Variants in HIVEP3 observed in about 807,000 individuals in gnomAD.
HIVEP3 encodes the protein HIVEP zinc finger 3, also known as transcription factor HIVEP3.
Under a neutral mutation model 152.8 loss-of-function variants are expected in HIVEP3, and 49 were observed. The observed-to-expected ratio is 0.32, with a 90% confidence interval of 0.26 to 0.41. The LOEUF is 0.41. Ranked by LOEUF, HIVEP3 falls within the 10% of genes least tolerant of loss-of-function variation. The pLI is 1.00. For missense variants in HIVEP3, 2,790 were observed against 3,103.3 expected, an observed-to-expected ratio of 0.90 and a Z score of 2.40; for synonymous variants, 1,269 against 1,289.0, an observed-to-expected ratio of 0.98 and a Z score of 0.33.
upstream of HIVEP3, among the ~76,000 whole-genome samples, chr1:41,921,711 CAT>C (rs10556751): frequency 0.5 from 76,505 of 151,682 alleles, 19,507 homozygotes; most frequent in East Asian, 0.71. Flanking sequence ...GGAGGAGAAT[CAT>C]AGGCAGCAGT....
intron 1 of HIVEP3, among the ~76,000 whole-genome samples, chr1:41,718,837 A>G (rs1003351005): frequency 2.6e-4 from 39 of 152,144 alleles, no homozygotes; most frequent in Non-Finnish European, 7.3e-5. Flanking sequence ...AATTATAGCC[A>G]TAAGACCTTG....
chr1:41,584,723 C>G lies in HIVEP3; in HGVS notation c.75G>C (p.Glu25Asp), dbSNP rs1644478611. Residue 25 changes from glutamate (E) to aspartate (D), a missense_variant, in exon 4 of 9, where the codon GAG (glutamate) becomes GAC (aspartate). Coordinates refer to ENST00000372583, the MANE Select transcript of HIVEP3 (RefSeq NM_024503.5). The surrounding 1 kb of genome is among the most constrained non-coding windows in gnomAD (Gnocchi z 5.2). ...GSPRKRLTKG[E>D]AIQTSVSSSV... is the part of the protein sequence containing the mutation. ...TGGAAGAAACACTGGTCTGAATGGC[C>G]TCTCCTTTGGTCAGCCGCTTCCGGG... is the stretch of plus-strand genomic sequence containing the variant. The G allele has an allele frequency of 6.5e-7, 1 of 1,539,772 alleles. No individual in the cohort carries two copies. Among genetic ancestry groups the G allele is most frequent in the East Asian group, 2.3e-5 (1 of 44,328 alleles).
intron 1 of HIVEP3, among the ~76,000 whole-genome samples, chr1:41,779,899 G>A (rs920317995): frequency 9.9e-5 from 15 of 152,196 alleles, no homozygotes; most frequent in Non-Finnish European, 2.1e-4. Flanking sequence ...ATGCCGATGT[G>A]CACCCCAGCT....
At chr1:41,789,839 C>T (rs552546802) in intron 1 of HIVEP3, among the ~76,000 whole-genome samples, 12 of 152,160 alleles carry the variant, frequency 7.9e-5, no homozygotes, top group Non-Finnish European at 1.5e-4. Context: ...GCCCTGTCCT[C>T]CCTGTCCTGT....
intron 5 of HIVEP3, among the ~76,000 whole-genome samples, chr1:41,548,905 G>A (rs1297225189): frequency 6.6e-6 from 1 of 151,784 alleles, no homozygotes; most frequent in Non-Finnish European, 1.5e-5. Context: ...AAGTTCTAGG[G>A]TACATGTACA....
intron 3 of HIVEP3, among the ~76,000 whole-genome samples, chr1:41,626,546 G>A (rs903270440): frequency 6.6e-6 from 1 of 152,180 alleles, no homozygotes; most frequent in African/African-American, 2.4e-5. Context: ...CCCCCCATCT[G>A]TACTCCCTGG....
intron 2 of HIVEP3, among the ~76,000 whole-genome samples, chr1:41,648,525 A>T (rs1645496608): frequency 6.6e-6 from 1 of 152,224 alleles, no homozygotes; most frequent in African/African-American, 2.4e-5. Context: ...GAGATGATCA[A>T]TAGCAAATGC....
chr1:42,019,941 C>A (rs1042665029), intron 1 of HIVEP3, among the ~76,000 whole-genome samples: 40 of 152,042 alleles, frequency 2.6e-4, no homozygotes, highest in African/African-American at 9.7e-4. Flanking sequence ...AAATCCTTTT[C>A]TACATCTATG....
intron 1 of HIVEP3, among the ~76,000 whole-genome samples, chr1:41,833,575 A>G (rs1389927838): frequency 2.0e-5 from 3 of 152,188 alleles, no homozygotes; most frequent in Non-Finnish European, 2.9e-5. Context: ...TCCAAAGTCT[A>G]TGCCCTCTCC....
chr1:41,744,897 C>T (rs1278567431), intron 1 of HIVEP3, among the ~76,000 whole-genome samples: 1 of 152,014 alleles, frequency 6.6e-6, no homozygotes, highest in Non-Finnish European at 1.5e-5. Flanking sequence ...AGGCAGGGGG[C>T]AGGGGGAAGG....
At chr1:41,938,109 G>C (rs1645028473) in intron 1 of HIVEP3, among the ~76,000 whole-genome samples, 1 of 152,076 alleles carries the variant, frequency 6.6e-6, no homozygotes, top group Non-Finnish European at 1.5e-5. Flanking sequence ...TCACTTGCCT[G>C]GTTCCCTCTC....
rs141493253 is a variant in HIVEP3, at chr1:41,885,374, A to G, written c.-801+33039T>C. On this transcript the variant is annotated intron_variant, in intron 1 of 8. Transcript: ENST00000372583. ...CTGTACTCGAAGTAGATGGCTAGGA[A>G]AAAAAAAAGGGCCAGTCACAGTGGT... 2.4e-3 allele frequency among the ~76,000 whole-genome samples: 359 copies of G among 151,478 alleles called. 1 individual carries two copies. Among genetic ancestry groups the G allele is most frequent in the African/African-American group, 8.4e-3 (347 of 41,316 alleles).
intron 6 of HIVEP3, among the ~76,000 whole-genome samples, chr1:41,524,462 G>A (rs566230884): frequency 6.6e-6 from 1 of 152,252 alleles, no homozygotes; most frequent in Middle Eastern, 3.4e-3. Flanking sequence ...CAAGAGTGCC[G>A]CACCAGGCTG....
At chr1:41,888,699 A>G (rs1320961030) in intron 1 of HIVEP3, among the ~76,000 whole-genome samples, 1 of 127,516 alleles carries the variant, frequency 7.8e-6, no homozygotes, top group Non-Finnish European at 1.6e-5. Flanking sequence ...CATACACACC[A>G]TATACCTCAC....
At chr1:41,861,475 A>T (rs1643886906) in intron 1 of HIVEP3, among the ~76,000 whole-genome samples, 1 of 152,220 alleles carries the variant, frequency 6.6e-6, no homozygotes. Flanking sequence ...TGGCATTTTC[A>T]GGAGGATGCA....
intron 1 of HIVEP3, among the ~76,000 whole-genome samples, chr1:41,981,699 T>A (rs1008642273): frequency 6.6e-6 from 1 of 152,194 alleles, no homozygotes; most frequent in African/African-American, 2.4e-5. Flanking sequence ...TAAAGGAAAT[T>A]GCGTTTTGTT....
At chr1:41,518,940 A>G (rs1416537547) in intron 6 of HIVEP3, among the ~76,000 whole-genome samples, 1 of 151,484 alleles carries the variant, frequency 6.6e-6, no homozygotes. Flanking sequence ...GACCGGCATG[A>G]CGGGTGAGGA....
chr1:41,510,418 T>C lies in HIVEP3; in HGVS notation c.*33A>G. ...GCTGGAAACGTCTGTTGCTGGACAC[T>C]GGAAGCCAGATGCTGAAGCAGTTGG... On this transcript the variant is annotated 3_prime_UTR_variant, in exon 9 of 9. Transcript: ENST00000372583. 4 of 1,438,320 alleles carry C rather than the reference T, an allele frequency of 2.8e-6. No individual in the cohort carries two copies. The highest frequency in any genetic ancestry group is 2.6e-5 in the East Asian group (1 of 38,870). The allele number at this position is 1,438,320 out of a possible 1,614,324, so 89.1% of individuals were successfully genotyped here. A position where few individuals can be genotyped will look rare whatever the true frequency, so the allele number is the denominator to read the frequency against.
intron 1 of HIVEP3, among the ~76,000 whole-genome samples, chr1:41,791,477 C>T (rs1649691276): frequency 6.6e-6 from 1 of 152,166 alleles, no homozygotes; most frequent in Non-Finnish European, 1.5e-5. Context: ...ATGGCCTTTC[C>T]ACCTTTTTCT....
Sources: allele counts gnomAD v4.1 joint callset (sites outside exome capture counted in the v4.1 genomes callset), GRCh38; gene constraint gnomAD v4.1.1; non-coding constraint Gnocchi (gnomAD v3.1); transcripts MANE v1.5; gene names NCBI Gene and HGNC (gene_info 2026-07-23, HGNC 2026-07-21).